LONP2: variants seen among roughly 807,000 people sequenced by gnomAD.
LONP2 encodes the protein lon protease homolog 2, peroxisomal.
In LONP2, 60 loss-of-function variants were observed where a neutral mutation model predicts 85.6. The observed-to-expected ratio is 0.70, with a 90% CI of 0.57 to 0.87. The LOEUF is 0.87. Ranked by LOEUF, LONP2 falls within the 40% of genes least tolerant of loss-of-function variation. The pLI is 0.00. For synonymous variants in LONP2, 395 were observed against 389.7 expected, an observed-to-expected ratio of 1.01 and a Z score of -0.16; for missense variants, 860 against 1,063.5, an observed-to-expected ratio of 0.81 and a Z score of 2.66.
intron 11 of LONP2, among the ~76,000 whole-genome samples, chr16:48,321,485 A>G (rs1043026179): frequency 2.0e-5 from 3 of 152,164 alleles, no homozygotes; most frequent in Admixed American, 6.6e-5. Flanking sequence ...GTCAGCTAGC[A>G]TTTACTGAAT....
chr16:48,338,681 G>T (rs1466466865), intron 12 of LONP2, among the ~76,000 whole-genome samples: 2 of 152,194 alleles, frequency 1.3e-5, no homozygotes, highest in Non-Finnish European at 2.9e-5. Flanking sequence ...GCTGAGGCAG[G>T]TGGATTGCTT....
intron 1 of LONP2, among the ~76,000 whole-genome samples, chr16:48,251,237 CCTT>C (rs1971639811): frequency 6.6e-6 from 1 of 152,096 alleles, no homozygotes. Context: ...GAGTTCTAGT[CCTT>C]CTATTTTCTT....
chr16:48,334,392 T>C, intron 12 of LONP2, 34 bp downstream of exon 12: 1 of 1,613,874 alleles, frequency 6.2e-7, no homozygotes, highest in Non-Finnish European at 8.5e-7. Context: ...TTTGCTCCAG[T>C]CAATGAAAGG....
Position 48,356,512 on chromosome 16 carries a change from T to TA in LONP2, c.*4731dup, listed in dbSNP as rs535516550. The TA allele has an allele frequency of 0.064, 5,222 of 82,008 alleles. 231 individuals are homozygous for TA. The highest frequency in any genetic ancestry group is 0.14 in the African/African-American group (3,558 of 25,120). 5.1% of individuals were successfully genotyped at this position (82,008 alleles called of 1,614,324 possible). On this transcript the variant is annotated 3_prime_UTR_variant, in exon 15 of 15. Coordinates refer to ENST00000285737, the MANE Select transcript of LONP2 (RefSeq NM_031490.5). The stretch of plus-strand genomic sequence containing the variant: ...TGCCATGAAAATTGTATCCAGCAGC[T>TA]AAAAAAAAAAAAAAAAAAAAAGACT...
At chr16:48,288,227 C>T (rs1402885894) in intron 8 of LONP2, among the ~76,000 whole-genome samples, 1 of 146,134 alleles carries the variant, frequency 6.8e-6, no homozygotes, top group Non-Finnish European at 1.5e-5. Flanking sequence ...AATCTTGGCT[C>T]ACTGCAACCT....
intron 9 of LONP2, among the ~76,000 whole-genome samples, chr16:48,298,146 A>G (rs1172192296): frequency 6.6e-6 from 1 of 152,234 alleles, no homozygotes; most frequent in Non-Finnish European, 1.5e-5. Context: ...AAGAATCAGG[A>G]CAGCTGCTGC....
intron 11 of LONP2, among the ~76,000 whole-genome samples, chr16:48,319,122 G>A (rs1973209232): frequency 6.6e-6 from 1 of 152,066 alleles, no homozygotes; most frequent in Non-Finnish European, 1.5e-5. Flanking sequence ...ACTAATGCCT[G>A]TAATCCTGGC....
At chr16:48,276,239 A>T (rs1405201359) in intron 7 of LONP2, among the ~76,000 whole-genome samples, 4 of 152,196 alleles carry the variant, frequency 2.6e-5, no homozygotes, top group Non-Finnish European at 5.9e-5. Flanking sequence ...CCCGGATGAA[A>T]GGCATTCCCA....
At chr16:48,338,195 T>C (rs1239705087) in intron 12 of LONP2, among the ~76,000 whole-genome samples, 3 of 152,200 alleles carry the variant, frequency 2.0e-5, no homozygotes, top group Non-Finnish European at 2.9e-5. Context: ...AAGAGTTTGA[T>C]TCATTTAATA....
chr16:48,305,165 G>T (rs1309154147), intron 11 of LONP2, among the ~76,000 whole-genome samples: 1 of 152,218 alleles, frequency 6.6e-6, no homozygotes, highest in African/African-American at 2.4e-5. Context: ...GGGAGGCAGT[G>T]CCTTCATTAT....
chr16:48,357,306 G>A lies in LONP2; in HGVS notation c.*5504G>A, dbSNP rs756182740. On this transcript the variant is annotated 3_prime_UTR_variant, in exon 15 of 15. Coordinates refer to ENST00000285737, the MANE Select transcript of LONP2 (RefSeq NM_031490.5). ...TAGTAGATGCTTGATAAGGAATTTT[G>A]TTTGGATGGTGCCATTTTTAGATAA... 5 of 152,218 alleles carry A rather than the reference G, an allele frequency of 3.3e-5. No individual in the cohort carries two copies. Among genetic ancestry groups the A allele is most frequent in the Non-Finnish European group, 7.3e-5 (5 of 68,048 alleles). The allele number at this position is 152,218 out of a possible 1,614,324, so 9.4% of individuals were successfully genotyped here.
Position 48,347,570 on chromosome 16 carries a change from G to C in LONP2, c.2002G>C (p.Glu668Gln), listed in dbSNP as rs367615401. 4 of 1,614,138 alleles carry C rather than the reference G, an allele frequency of 2.5e-6. No individual in the cohort carries two copies. In the African/African-American group the frequency reaches 5.3e-5, roughly 22 times the overall value. Residue 668 changes from glutamate to glutamine, a missense_variant, in exon 13 of 15, where the codon GAA becomes CAA. By Grantham distance (29) the Glu-to-Gln change is conservative. Transcript: ENST00000285737. ...TTTGGCTTGGACTCCCTTAGGTGGA[G>C]AAATCATGTTCGTGGAGGCGAGTCG... ...IGLAWTPLGG[E>Q]IMFVEASRMD...
chr16:48,263,344 A>G (rs1215443019), intron 6 of LONP2, among the ~76,000 whole-genome samples: 2 of 152,012 alleles, frequency 1.3e-5, no homozygotes, highest in African/African-American at 4.8e-5. Flanking sequence ...ATCACCTCCC[A>G]TTTCCTTCTC....
At chr16:48,264,913 C>G (rs997009065) in intron 6 of LONP2, among the ~76,000 whole-genome samples, 2 of 149,382 alleles carry the variant, frequency 1.3e-5, no homozygotes, top group Non-Finnish European at 1.5e-5. Context: ...ACAAGGGTGC[C>G]CTTTTCTCCA....
At chr16:48,324,997 T>G (rs2151018188) in intron 11 of LONP2, among the ~76,000 whole-genome samples, 1 of 152,290 alleles carries the variant, frequency 6.6e-6, no homozygotes, top group Admixed American at 6.5e-5. Context: ...CCATAGTCAC[T>G]GTGCAATAGA....
At chr16:48,248,710 T>G (rs1386706614) in intron 1 of LONP2, among the ~76,000 whole-genome samples, 1 of 151,940 alleles carries the variant, frequency 6.6e-6, no homozygotes, top group Admixed American at 6.6e-5. Flanking sequence ...AATTAAGGGC[T>G]TTGAGTAAAA....
At chr16:48,303,040 A>G in intron 10 of LONP2, 132 bp from the exon 11 acceptor site, 1 of 857,286 alleles carries the variant, frequency 1.2e-6, no homozygotes, top group Non-Finnish European at 1.8e-6. Flanking sequence ...TTAAGTGTGG[A>G]AAAGTTAGTA....
intron 8 of LONP2, among the ~76,000 whole-genome samples, chr16:48,279,613 T>C (rs1464732728): frequency 6.6e-6 from 1 of 152,004 alleles, no homozygotes; most frequent in Non-Finnish European, 1.5e-5. Context: ...AGAGAACCAC[T>C]GTTTTATGTT....
chr16:48,293,154 C>T (rs1178279981), intron 8 of LONP2, among the ~76,000 whole-genome samples: 3 of 152,144 alleles, frequency 2.0e-5, no homozygotes, highest in African/African-American at 7.2e-5. Context: ...TCCGGCCAGG[C>T]ATGGTGGCTC....
Sources: allele counts gnomAD v4.1 joint callset (sites outside exome capture counted in the v4.1 genomes callset), GRCh38; gene constraint gnomAD v4.1.1; transcripts MANE v1.5; gene names NCBI Gene and HGNC (gene_info 2026-07-23, HGNC 2026-07-21).